Variants in ABCB7 observed in about 807,000 individuals in gnomAD.
The protein encoded by ABCB7 is iron-sulfur clusters transporter ABCB7, mitochondrial.
Under a neutral mutation model 54.4 loss-of-function variants are expected in ABCB7, and 7 were observed. The observed-to-expected ratio is 0.13, with a 90% CI of 0.07 to 0.24. The LOEUF is 0.24. Ranked by LOEUF, ABCB7 falls within the 10% of genes least tolerant of loss-of-function variation. The probability of loss-of-function intolerance (pLI) is 1.00; values close to 1 mark genes in which losing one functional copy is unlikely to be tolerated. For synonymous variants in ABCB7, 218 were observed against 207.1 expected, an observed-to-expected ratio of 1.05 and a Z score of -0.45; for missense variants, 356 against 570.4, an observed-to-expected ratio of 0.62 and a Z score of 3.83.
rs372924417 is a variant in ABCB7, at chrX:75,122,861, G to GTGTGT, written c.169-8031_169-8030insACACA. Among the ~76,000 whole-genome samples the GTGTGT allele has an allele frequency of 2.9e-3, 266 of 93,145 alleles. 1 individual carries two copies. The highest frequency in any genetic ancestry group is 9.0e-3 in the African/African-American group (232 of 25,667). 80.9% of individuals were successfully genotyped at this position (93,145 alleles called of 115,157 possible). A position where few individuals can be genotyped will look rare whatever the true frequency, so the allele number is the denominator to read the frequency against. On this transcript the variant is annotated intron_variant, in intron 1 of 15. Coordinates refer to ENST00000373394, the MANE Select transcript of ABCB7 (RefSeq NM_001271696.3). ...AGTCCTTTGCCCATTTTAAAATTGG[G>GTGTGT]GTGTGTGTGTGTGTGTGTGTGTGTG...
intron 12 of ABCB7, among the ~76,000 whole-genome samples, chrX:75,068,106 T>C (rs2081336431): frequency 9.0e-6 from 1 of 110,955 alleles, no homozygotes; most frequent in Non-Finnish European, 1.9e-5. Context: ...ATAATTTCTC[T>C]AAATGACTCA....
In ABCB7 at chrX:75,065,154, T is replaced by C. The variant is rs2081308280; in HGVS notation, c.1747A>G (p.Lys583Glu). Residue 583 changes from lysine to glutamate, a missense_variant, in exon 13 of 16, where the codon AAA becomes GAA. Lys to Glu is a moderately conservative substitution (Grantham distance 56). Transcript: ENST00000373394. ...ATTGCATCATGAAGTCCAGCTAATTTTGCCACTGCATACACTTCCTCAGGT... is the reference window on the plus strand; with the variant it reads ...ATTGCATCATGAAGTCCAGCTAATTCTGCCACTGCATACACTTCCTCAGGT... The part of the protein sequence containing the change: ...ASPEEVYAVA[K>E]LAGLHDAILR... 8.3e-7 allele frequency: 1 copy of C among 1,210,005 alleles called. No homozygotes were observed.
chrX:75,143,249 G>A (rs757578550), intron 1 of ABCB7, among the ~76,000 whole-genome samples: 1 of 111,301 alleles, frequency 9.0e-6, no homozygotes, highest in Non-Finnish European at 1.9e-5. Flanking sequence ...AAAGATCCAC[G>A]ATTCTCTAGG....
At chrX:75,155,380 T>C (rs943898688) in intron 1 of ABCB7, among the ~76,000 whole-genome samples, 1 of 112,624 alleles carries the variant, frequency 8.9e-6, no homozygotes, top group Non-Finnish European at 1.9e-5. Context: ...TACAGTTAAG[T>C]ACAAATAATT....
intron 3 of ABCB7, among the ~76,000 whole-genome samples, chrX:75,105,820 T>C (rs1358631478): frequency 9.0e-6 from 1 of 110,777 alleles, no homozygotes; most frequent in Non-Finnish European, 1.9e-5. Context: ...CATAAATCAA[T>C]CAGAAAGCAA....
At chrX:75,099,123 A>T (rs754501372) in intron 3 of ABCB7, 62 bp from the exon 4 acceptor site, 1 of 1,088,799 alleles carries the variant, frequency 9.2e-7, no homozygotes, top group Non-Finnish European at 1.3e-6. Context: ...ACCATAATTC[A>T]ATAACGTAGA....
intron 1 of ABCB7, among the ~76,000 whole-genome samples, chrX:75,149,509 G>A (rs906519410): frequency 1.8e-5 from 2 of 111,634 alleles, no homozygotes; most frequent in Admixed American, 9.5e-5. Context: ...TAGCAGTGGA[G>A]CAAATATTAT....
intron 13 of ABCB7, among the ~76,000 whole-genome samples, chrX:75,063,959 T>A (rs2081299407): frequency 9.0e-6 from 1 of 111,214 alleles, no homozygotes; most frequent in Non-Finnish European, 1.9e-5. Context: ...CTAGTTCATA[T>A]TACGTGATAA....
chrX:75,081,923 GA>G (rs369324387), intron 4 of ABCB7, among the ~76,000 whole-genome samples: 6 of 103,292 alleles, frequency 5.8e-5, no homozygotes, highest in Middle Eastern at 4.9e-3. Flanking sequence ...ATAGACTAAA[GA>G]AAAAAAAAAG....
chrX:75,093,255 TAACACAC>T (rs1279520628), intron 4 of ABCB7, among the ~76,000 whole-genome samples: 2 of 111,782 alleles, frequency 1.8e-5, no homozygotes, highest in African/African-American at 6.5e-5. Context: ...AGCTATCAGG[TAACACAC>T]ACCCACACAA....
intron 1 of ABCB7, among the ~76,000 whole-genome samples, chrX:75,139,460 C>T (rs1305065221): frequency 1.8e-5 from 2 of 111,924 alleles, no homozygotes; most frequent in Non-Finnish European, 3.8e-5. Flanking sequence ...CTTCCTAAAT[C>T]CTTTCCACAT....
intron 1 of ABCB7, among the ~76,000 whole-genome samples, chrX:75,129,691 G>A (rs2081961576): frequency 9.2e-6 from 1 of 109,021 alleles, no homozygotes; most frequent in East Asian, 2.8e-4. Flanking sequence ...CCCTAAAGAT[G>A]CTTAGTCCAG....
chrX:75,129,413 G>A (rs966812241), intron 1 of ABCB7, among the ~76,000 whole-genome samples: 1 of 109,636 alleles, frequency 9.1e-6, no homozygotes, highest in East Asian at 2.9e-4. Context: ...ATACGGGCAC[G>A]GGGAGGGGAA....
chrX:75,097,718 A>T (rs1214020983), intron 4 of ABCB7, among the ~76,000 whole-genome samples: 12 of 110,332 alleles, frequency 1.1e-4, no homozygotes, highest in African/African-American at 4.0e-4. Context: ...TCATAGCCAA[A>T]CCTCCTTTAT....
At chrX:75,089,568 T>C (rs2081528445) in intron 4 of ABCB7, among the ~76,000 whole-genome samples, 1 of 109,050 alleles carries the variant, frequency 9.2e-6, no homozygotes, top group African/African-American at 3.3e-5. Flanking sequence ...TGTTAAATGA[T>C]TAGAAAAAAC....
At chrX:75,125,775 C>T (rs1379348065) in intron 1 of ABCB7, among the ~76,000 whole-genome samples, 2 of 110,337 alleles carry the variant, frequency 1.8e-5, no homozygotes, top group Non-Finnish European at 3.8e-5. Context: ...TTTGCCCAAA[C>T]CAATTGAATT....
chrX:75,150,087 G>A (rs2082120456), intron 1 of ABCB7, among the ~76,000 whole-genome samples: 1 of 111,465 alleles, frequency 9.0e-6, no homozygotes, highest in African/African-American at 3.3e-5. Flanking sequence ...ATCTAGATGT[G>A]CTGTATAGGA....
At position 75,156,218 on chromosome X, in the gene ABCB7, C is replaced by T. The variant is rs2082176217; in HGVS notation, c.55G>A (p.Glu19Lys). 8.3e-7 allele frequency: 1 copy of T among 1,202,925 alleles called. No homozygotes were observed. Among genetic ancestry groups the T allele is most frequent in the Non-Finnish European group, 1.1e-6 (1 of 891,895 alleles). ...WRWAAAAAAF[E>K]KRRHSAILIR... ...AGAATCGCGGAGTGCCGGCGCTTTT[C>T]GAAAGCAGCCGCCGCGGCCGCCCAG... Residue 19 changes from glutamate to lysine, a missense_variant, in exon 1 of 16, where the codon GAA (glutamate) becomes AAA (lysine). Transcript: ENST00000373394.
chrX:75,121,364 T>C (rs1451675266), intron 1 of ABCB7, among the ~76,000 whole-genome samples: 1 of 109,819 alleles, frequency 9.1e-6, no homozygotes, highest in African/African-American at 3.3e-5. Flanking sequence ...AGGCCAAGCA[T>C]AATAAAGCAA....
Sources: gnomAD v4.1 joint callset for allele counts (sites outside exome capture counted in the v4.1 genomes callset) on GRCh38, gnomAD v4.1.1 for gene constraint, MANE v1.5 for transcripts, NCBI Gene and HGNC (gene_info 2026-07-23, HGNC 2026-07-21) for gene names.